The following PIGL variants were observed in gnomAD, a reference collection of about 807,000 sequenced individuals.
PIGL encodes phosphatidylinositol glycan anchor biosynthesis class L.
Under a neutral mutation model 31.1 loss-of-function variants are expected in PIGL, and 22 were observed. The ratio of observed to expected loss-of-function variants is 0.71; its 90% CI spans 0.51 to 1.01. The LOEUF is 1.01. Ranked by LOEUF, PIGL falls within the 50% of genes least tolerant of loss-of-function variation. The probability of loss-of-function intolerance (pLI) is 0.00; values close to 1 mark genes in which losing one functional copy is unlikely to be tolerated. For missense variants in PIGL, 302 were observed against 315.9 expected (o/e 0.96, Z 0.33); for synonymous variants, 131 against 117.4 (o/e 1.12, Z -0.75).
intron 2 of PIGL, among the ~76,000 whole-genome samples, chr17:16,266,286 G>A (rs1372971972): frequency 6.6e-6 from 1 of 150,910 alleles, no homozygotes; most frequent in Non-Finnish European, 1.5e-5. Context: ...TGATGGGGGA[G>A]GCTAAGGCGG....
intron 1 of PIGL, among the ~76,000 whole-genome samples, chr17:16,218,446 A>G (rs546637567): frequency 2.6e-5 from 4 of 152,260 alleles, no homozygotes; most frequent in Non-Finnish European, 4.4e-5. Flanking sequence ...TTAAACATCT[A>G]CCTATATTAA....
intron 2 of PIGL, among the ~76,000 whole-genome samples, chr17:16,243,930 A>C (rs1011820091): frequency 6.6e-6 from 1 of 152,226 alleles, no homozygotes; most frequent in Non-Finnish European, 1.5e-5. Flanking sequence ...CAGGCAGCAG[A>C]GTTTTTAAGC....
At chr17:16,220,777 C>T (rs1029526368) in intron 1 of PIGL, among the ~76,000 whole-genome samples, 2 of 151,648 alleles carry the variant, frequency 1.3e-5, no homozygotes, top group Non-Finnish European at 2.9e-5. Context: ...CGTGAGCCAC[C>T]GCGCCCAGCC....
chr17:16,266,502 G>A (rs1259385118), intron 2 of PIGL, among the ~76,000 whole-genome samples: 1 of 152,092 alleles, frequency 6.6e-6, no homozygotes, highest in African/African-American at 2.4e-5. Context: ...ATTGAGTGAG[G>A]TGGTACTCAC....
At chr17:16,217,630 C>CACA in intron 1 of PIGL, 169 bp downstream of exon 1, 1 of 540,656 alleles carries the variant, frequency 1.8e-6, no homozygotes, top group Non-Finnish European at 3.2e-6. Flanking sequence ...GGCCGGCTTA[C>CACA]CTGGTGGGTT....
intron 2 of PIGL, among the ~76,000 whole-genome samples, chr17:16,273,166 C>T (rs2092879482): frequency 6.6e-6 from 1 of 152,166 alleles, no homozygotes; most frequent in African/African-American, 2.4e-5. Context: ...AGCCAACAAA[C>T]CAACTAATGA....
intron 2 of PIGL, among the ~76,000 whole-genome samples, chr17:16,286,374 G>A (rs1247761619): frequency 5.9e-5 from 9 of 152,178 alleles, no homozygotes; most frequent in Admixed American, 5.9e-4. Flanking sequence ...CTGGGGAGAG[G>A]AAAGAAGGGG....
At chr17:16,257,676 T>C (rs2092800053) in intron 2 of PIGL, among the ~76,000 whole-genome samples, 1 of 151,812 alleles carries the variant, frequency 6.6e-6, no homozygotes, top group Admixed American at 6.6e-5. Context: ...TTAATAGAAA[T>C]TGATGCTATT....
chr17:16,232,548 A>C (rs2092683311), intron 1 of PIGL, among the ~76,000 whole-genome samples: 1 of 152,162 alleles, frequency 6.6e-6, no homozygotes, highest in African/African-American at 2.4e-5. Context: ...CAAAGCAATA[A>C]AACTGGCCCC....
chr17:16,250,914 T>G (rs2092768364), intron 2 of PIGL, among the ~76,000 whole-genome samples: 1 of 152,200 alleles, frequency 6.6e-6, no homozygotes, highest in Non-Finnish European at 1.5e-5. Flanking sequence ...GACACATGCT[T>G]TCACAAAGGC....
intron 3 of PIGL, among the ~76,000 whole-genome samples, chr17:16,308,313 C>G (rs2093034454): frequency 6.7e-6 from 1 of 149,908 alleles, no homozygotes. Flanking sequence ...GTCTGGGTGA[C>G]AGGGTGAAAC....
chr17:16,293,857 G>A (rs2092970665), intron 2 of PIGL, among the ~76,000 whole-genome samples: 1 of 152,188 alleles, frequency 6.6e-6, no homozygotes, highest in African/African-American at 2.4e-5. Flanking sequence ...ATTCAAATCA[G>A]GTACGAAGTG....
chr17:16,304,563 G>C (rs2093018880), intron 3 of PIGL, among the ~76,000 whole-genome samples: 1 of 152,062 alleles, frequency 6.6e-6, no homozygotes, highest in South Asian at 2.1e-4. Context: ...TTTATGACCA[G>C]CCTGGGCAAT....
At chr17:16,221,479 TCTCA>T (rs1216720200) in intron 1 of PIGL, among the ~76,000 whole-genome samples, 1 of 139,210 alleles carries the variant, frequency 7.2e-6, no homozygotes, top group Non-Finnish European at 1.5e-5. Context: ...TGAGACGGAG[TCTCA>T]CTGTCGCCCG....
At chr17:16,276,885 T>G (rs2142783352) in intron 2 of PIGL, among the ~76,000 whole-genome samples, 1 of 152,372 alleles carries the variant, frequency 6.6e-6, no homozygotes, top group African/African-American at 2.4e-5. Context: ...CCTCATTATT[T>G]GTATAAAGTG....
chr17:16,268,735 C>A (rs1029029325), intron 2 of PIGL, among the ~76,000 whole-genome samples: 3 of 152,024 alleles, frequency 2.0e-5, no homozygotes, highest in African/African-American at 4.8e-5. Context: ...CAGGCATGAG[C>A]CACTGCGCCT....
intron 1 of PIGL, among the ~76,000 whole-genome samples, chr17:16,222,191 A>G (rs2092632445): frequency 6.6e-6 from 1 of 152,124 alleles, no homozygotes; most frequent in East Asian, 1.9e-4. Flanking sequence ...GTTTTGATGG[A>G]GAAAGTACTA....
intron 3 of PIGL, among the ~76,000 whole-genome samples, chr17:16,303,739 G>A (rs1166892391): frequency 6.8e-6 from 1 of 147,514 alleles, no homozygotes; most frequent in Non-Finnish European, 1.5e-5. Flanking sequence ...TTTTGAGACA[G>A]AGTCTTGCTC....
intron 1 of PIGL, among the ~76,000 whole-genome samples, chr17:16,221,124 C>T (rs184319921): frequency 4.6e-5 from 7 of 152,202 alleles, no homozygotes; most frequent in Admixed American, 2.0e-4. Flanking sequence ...ACAATAAAAA[C>T]ATTGAGTGCC....
Sources: allele counts gnomAD v4.1 joint callset (sites outside exome capture counted in the v4.1 genomes callset), GRCh38; gene constraint gnomAD v4.1.1; transcripts MANE v1.5; gene names NCBI Gene and HGNC (gene_info 2026-07-23, HGNC 2026-07-21).